Variants in ANK2 observed in about 807,000 individuals in gnomAD.
ANK2 encodes the protein ankyrin-2.
ANK2 carries 83 observed loss-of-function variants against 360.5 expected under a neutral mutation model. That is an observed-to-expected ratio of 0.23 (90% CI 0.19 to 0.28). ANK2 has a LOEUF of 0.28. Ranked by LOEUF, ANK2 falls within the 10% of genes least tolerant of loss-of-function variation. The pLI is 1.00. For missense variants in ANK2, 4,201 were observed against 4,795.7 expected (o/e 0.88, Z 3.66); for synonymous variants, 1,740 against 1,759.5 (o/e 0.99, Z 0.28).
At chr4:112,839,287 T>G (rs988860045) in intron 1 of ANK2, among the ~76,000 whole-genome samples, 2 of 152,150 alleles carry the variant, frequency 1.3e-5, no homozygotes, top group African/African-American at 4.8e-5. Flanking sequence ...AAATGTGTGC[T>G]GAAGATAATA....
At chr4:112,881,891 T>C (rs2150443448) in intron 1 of ANK2, 2 of 721,502 alleles carry the variant, frequency 2.8e-6, no homozygotes, top group Admixed American at 1.8e-5. Flanking sequence ...CCGCTCTCTT[T>C]GGTTCCACAA....
At chr4:113,099,256 A>G (rs1311131470) in intron 1 of ANK2, among the ~76,000 whole-genome samples, 1 of 55,810 alleles carries the variant, frequency 1.8e-5, no homozygotes, top group African/African-American at 1.5e-4. Context: ...GAAAATCCCA[A>G]ATGGTCAACA....
chr4:112,968,032 T>C (rs2037998544), intron 2 of ANK2, among the ~76,000 whole-genome samples: 1 of 152,174 alleles, frequency 6.6e-6, no homozygotes, highest in Non-Finnish European at 1.5e-5. Context: ...TTATGTTTTT[T>C]CCCCCAACCT....
In ANK2 at chr4:113,357,554, G is replaced by A. The variant is rs1217618151; in HGVS notation, c.8936G>A (p.Gly2979Glu). Residue 2979 changes from glycine (G) to glutamate (E), a missense_variant, in exon 38 of 46, where the codon GGA (glycine) becomes GAA (glutamate). Gly to Glu is a moderately conservative substitution (Grantham distance 98, BLOSUM62 -2). Around this residue, in one of 4 missense-constraint regions of ANK2, gnomAD observed 2,642 missense variants for 2,714.5 expected, o/e 0.97. Coordinates refer to ENST00000357077, the MANE Select transcript of ANK2 (RefSeq NM_001148.6). ...EDVVVASSSSGTVLSKESNFE... is the reference protein window; with the variant it reads ...EDVVVASSSSETVLSKESNFE... Reference sequence around the variant, plus strand: ...GTTGTAGTGGCAAGCTCCTCTAGTGGAACTGTTTTAAGCAAAGAATCTAAT... The same window carrying A: ...GTTGTAGTGGCAAGCTCCTCTAGTGAAACTGTTTTAAGCAAAGAATCTAAT... The A allele has an allele frequency of 2.5e-6, 4 of 1,613,966 alleles. No individual in the cohort carries two copies. Among genetic ancestry groups the A allele is most frequent in the Non-Finnish European group, 3.4e-6 (4 of 1,179,982 alleles).
chr4:112,895,639 C>CT (rs1560994207), intron 1 of ANK2, among the ~76,000 whole-genome samples: 1 of 152,054 alleles, frequency 6.6e-6, no homozygotes, highest in Non-Finnish European at 1.5e-5. Flanking sequence ...GCACTTCTGT[C>CT]TTTTTTTCAG....
chr4:113,242,308 T>A, intron 9 of ANK2, 99 bp downstream of exon 9: 1 of 1,038,580 alleles, frequency 9.6e-7, no homozygotes. Flanking sequence ...AAGCAATGTG[T>A]TTTCAAGGAA....
At chr4:113,112,514 C>A (rs1412722123) in intron 1 of ANK2, among the ~76,000 whole-genome samples, 1 of 152,136 alleles carries the variant, frequency 6.6e-6, no homozygotes, top group Non-Finnish European at 1.5e-5. Context: ...TTCCCTCTGC[C>A]CACTGCAGTG....
chr4:113,033,676 G>A (rs1194005757), intron 2 of ANK2: 4 of 151,810 alleles, frequency 2.6e-5, no homozygotes, highest in South Asian at 4.1e-4. Flanking sequence ...TATTACTGCC[G>A]TTATCCAATA....
At chr4:113,231,246 G>T (rs1328235474) in intron 4 of ANK2, among the ~76,000 whole-genome samples, 2 of 151,846 alleles carry the variant, frequency 1.3e-5, no homozygotes, top group African/African-American at 2.4e-5. Context: ...TAGAGACAGG[G>T]TTTCACCATA....
At chr4:113,145,448 A>G (rs2096792595) in intron 1 of ANK2, among the ~76,000 whole-genome samples, 1 of 152,216 alleles carries the variant, frequency 6.6e-6, no homozygotes, top group South Asian at 2.1e-4. Flanking sequence ...TGAGTAATGC[A>G]AAAATTCTCA....
In ANK2 at chr4:113,335,902, G is replaced by C. The variant is rs2153958022; in HGVS notation, c.3436G>C (p.Asp1146His). 6.2e-7 allele frequency: 1 copy of C among 1,614,174 alleles called. No individual in the cohort carries two copies. Among genetic ancestry groups the C allele is most frequent in the Non-Finnish European group, 8.5e-7 (1 of 1,180,026 alleles). The part of the protein sequence containing the change: ...KKRICRIITR[D>H]FPQYFAVVSR... Reference sequence around the variant, plus strand: ...ACGAATCTGCCGCATCATCACCCGAGACTTCCCACAGTACTTTGCAGTGGT... The same window carrying C: ...ACGAATCTGCCGCATCATCACCCGACACTTCCCACAGTACTTTGCAGTGGT... Residue 1146 changes from aspartate to histidine, a missense_variant, in exon 30 of 46, where the codon GAC becomes CAC. Around this residue, in one of 4 missense-constraint regions of ANK2, gnomAD observed 1,268 missense variants for 1,650.8 expected, o/e 0.77. Coordinates refer to ENST00000357077, the MANE Select transcript of ANK2 (RefSeq NM_001148.6).
chr4:113,325,205 A>G (rs2089111779), intron 26 of ANK2, among the ~76,000 whole-genome samples: 1 of 152,236 alleles, frequency 6.6e-6, no homozygotes, highest in Admixed American at 6.5e-5. Context: ...GTCAATGTTT[A>G]GTGCAGTGTG....
chr4:112,768,050 C>T, the ANK2 span, among the ~76,000 whole-genome samples: 1 of 151,986 alleles, frequency 6.6e-6, no homozygotes, highest in Non-Finnish European at 1.5e-5. Flanking sequence ...TATAGGAAGA[C>T]GAAGTTGATA....
chr4:113,021,530 C>CCT (rs1554056650), intron 2 of ANK2, among the ~76,000 whole-genome samples: 410 of 13,094 alleles, frequency 0.031, 35 homozygotes, highest in Non-Finnish European at 0.045. Flanking sequence ...ACACACACAC[C>CCT]CACACACAAA....
chr4:113,044,944 G>A (rs917165271), upstream of ANK2, among the ~76,000 whole-genome samples: 1 of 152,010 alleles, frequency 6.6e-6, no homozygotes, highest in African/African-American at 2.4e-5. Context: ...TTGGATCTTT[G>A]CCAAGTTAAG....
At chr4:113,348,153 CTG>C (rs2095081549) in intron 35 of ANK2, 121 bp from the exon 36 acceptor site, 2 of 922,338 alleles carry the variant, frequency 2.2e-6, no homozygotes. Flanking sequence ...AGTATGTTGA[CTG>C]TATGCTTGCC....
chr4:113,246,385 G>A lies in ANK2; in HGVS notation c.892-3379G>A, dbSNP rs577876421. Among the ~76,000 whole-genome samples the A allele has an allele frequency of 1.6e-4, 24 of 152,120 alleles. 1 individual carries two copies. Among genetic ancestry groups the A allele is most frequent in the African/African-American group, 5.8e-4 (24 of 41,498 alleles). ...CATTGAGGCATTTTCCATCTTGTTG[G>A]CATTCTCATCATTGACTACTATCTA... On this transcript the variant is annotated intron_variant, in intron 9 of 45. Coordinates refer to ENST00000357077, the MANE Select transcript of ANK2 (RefSeq NM_001148.6).
chr4:113,000,514 CTTCA>C (rs1327153854), intron 2 of ANK2, among the ~76,000 whole-genome samples: 1 of 152,188 alleles, frequency 6.6e-6, no homozygotes, highest in African/African-American at 2.4e-5. Flanking sequence ...GGGATTCCTA[CTTCA>C]TTGTCCAGTG....
chr4:112,983,192 A>G (rs2043668210), intron 2 of ANK2, among the ~76,000 whole-genome samples: 1 of 152,132 alleles, frequency 6.6e-6, no homozygotes, highest in Non-Finnish European at 1.5e-5. Context: ...ATAATGGGTA[A>G]ATTTCTTCAC....
Sources: gnomAD v4.1 joint callset for allele counts (sites outside exome capture counted in the v4.1 genomes callset) on GRCh38, gnomAD v4.1.1 for gene constraint, gnomAD v4.1.1 regional missense constraint, MANE v1.5 for transcripts, NCBI Gene and HGNC (gene_info 2026-07-23, HGNC 2026-07-21) for gene names.